Variants in RNLS observed in about 807,000 individuals in gnomAD.
RNLS encodes the protein renalase.
A neutral mutation model predicts 39.8 loss-of-function variants in RNLS; 39 were observed. That is an observed-to-expected ratio of 0.98 (90% CI 0.76 to 1.28). The LOEUF (loss-of-function observed/expected upper bound fraction) is 1.28. Ranked by LOEUF, RNLS falls within the 50% of genes most tolerant of loss-of-function variation. The pLI is 0.00. For missense variants in RNLS, 410 were observed against 413.3 expected (o/e 0.99, Z 0.07); for synonymous variants, 147 against 150.7 (o/e 0.98, Z 0.18).
intron 4 of RNLS, among the ~76,000 whole-genome samples, chr10:88,517,917 G>T (rs965020148): frequency 4.6e-5 from 7 of 151,898 alleles, no homozygotes; most frequent in African/African-American, 1.4e-4. Flanking sequence ...CTGGCTAATG[G>T]TATTAAAACA....
intron 4 of RNLS, among the ~76,000 whole-genome samples, chr10:88,437,749 G>A (rs1047938105): frequency 6.6e-6 from 1 of 152,072 alleles, no homozygotes; most frequent in Non-Finnish European, 1.5e-5. Context: ...TCTTATGAAT[G>A]CCCCCAAGGT....
the RNLS span, among the ~76,000 whole-genome samples, chr10:88,224,604 G>T: frequency 2.0e-5 from 3 of 152,088 alleles, no homozygotes; most frequent in African/African-American, 7.2e-5. Flanking sequence ...ACTTTGAGTA[G>T]GTTTTTGTTC....
At chr10:88,462,627 T>C (rs1320425517) in intron 4 of RNLS, among the ~76,000 whole-genome samples, 1 of 151,918 alleles carries the variant, frequency 6.6e-6, no homozygotes, top group African/African-American at 2.4e-5. Flanking sequence ...AAAAAATGAT[T>C]TTAATGAATG....
At chr10:88,363,747 T>C (rs1849818239) in intron 4 of RNLS, among the ~76,000 whole-genome samples, 1 of 152,178 alleles carries the variant, frequency 6.6e-6, no homozygotes, top group Admixed American at 6.6e-5. Context: ...GGAAAAGGAA[T>C]TGAGCAGGTT....
chr10:88,343,941 G>A (rs1372737707), intron 5 of RNLS: 1 of 418,152 alleles, frequency 2.4e-6, no homozygotes, highest in African/African-American at 2.2e-5. Context: ...GCCTAAAAAA[G>A]CCCTGGTTTT....
At chr10:88,565,331 G>A (rs530371527) in intron 4 of RNLS, among the ~76,000 whole-genome samples, 3 of 152,046 alleles carry the variant, frequency 2.0e-5, no homozygotes, top group South Asian at 2.1e-4. Context: ...AGCCTAAGAC[G>A]TCTAATAATC....
the RNLS span, among the ~76,000 whole-genome samples, chr10:88,230,144 A>T: frequency 5.9e-5 from 9 of 152,212 alleles, no homozygotes; most frequent in African/African-American, 1.9e-4. Context: ...GTGGCCACTT[A>T]GAAGAGGCTG....
chr10:88,582,448 T>G, intron 1 of RNLS, 141 bp from the exon 2 acceptor site: 1 of 629,512 alleles, frequency 1.6e-6, no homozygotes, highest in Non-Finnish European at 2.7e-6. Context: ...TTGATCAGAT[T>G]GTGAGATTTT....
chr10:88,209,709 A>G, the RNLS span, among the ~76,000 whole-genome samples: 17 of 152,220 alleles, frequency 1.1e-4, no homozygotes, highest in Admixed American at 9.8e-4. Flanking sequence ...TGTTGGTTAA[A>G]AAAATCTATG....
intron 4 of RNLS, among the ~76,000 whole-genome samples, chr10:88,567,989 C>A (rs140948535): frequency 2.1e-4 from 32 of 152,308 alleles, no homozygotes; most frequent in African/African-American, 7.5e-4. Flanking sequence ...AGCCCTGAAG[C>A]CTTGTCCACC....
chr10:88,232,193 C>G, the RNLS span, among the ~76,000 whole-genome samples: 12 of 152,316 alleles, frequency 7.9e-5, no homozygotes, highest in Non-Finnish European at 1.6e-4. Context: ...GCTACACTCA[C>G]CTCTTGGCAG....
intron 4 of RNLS, among the ~76,000 whole-genome samples, chr10:88,383,202 T>C (rs1478672539): frequency 1.3e-5 from 2 of 152,070 alleles, no homozygotes; most frequent in African/African-American, 4.8e-5. Flanking sequence ...GCAGAAACAA[T>C]TGCTAAGTAG....
At chr10:88,554,174 C>CAA (rs538631536) in intron 4 of RNLS, among the ~76,000 whole-genome samples, 7 of 136,734 alleles carry the variant, frequency 5.1e-5, no homozygotes, top group African/African-American at 1.6e-4. Context: ...TAGTTTGATC[C>CAA]AAAAAAAAAA....
Position 88,581,292 on chromosome 10 carries a change from GTGTATA to G in RNLS, c.367+269_367+274del, listed in dbSNP as rs200232367. On this transcript the variant is annotated intron_variant, in intron 3 of 6. Coordinates refer to ENST00000331772, the MANE Select transcript of RNLS (RefSeq NM_001031709.3). ...GAAATATATATGTATGTGTGTGTGT[GTGTATA>G]TATATATATATATATATACATCTAT... is the stretch of plus-strand genomic sequence containing the variant. Among the ~76,000 whole-genome samples the G allele has an allele frequency of 2.0e-4, 24 of 122,036 alleles. No homozygotes were observed. The East Asian group carries it at 4.4e-3, about 22-fold the overall frequency. 80.1% of individuals were successfully genotyped at this position (122,036 alleles called of 152,430 possible).
intron 4 of RNLS, among the ~76,000 whole-genome samples, chr10:88,414,923 T>C (rs1332600196): frequency 1.3e-5 from 2 of 152,152 alleles, no homozygotes; most frequent in African/African-American, 4.8e-5. Flanking sequence ...CCTGTGGGTA[T>C]CTAGAGCTCT....
intron 4 of RNLS, among the ~76,000 whole-genome samples, chr10:88,425,854 G>A (rs888372829): frequency 1.2e-4 from 18 of 151,982 alleles, no homozygotes; most frequent in Admixed American, 1.2e-3. Flanking sequence ...CAAAAAGAAT[G>A]GTAAGAGTAG....
At chr10:88,466,829 G>A (rs1004628115) in intron 4 of RNLS, among the ~76,000 whole-genome samples, 15 of 152,084 alleles carry the variant, frequency 9.9e-5, no homozygotes, top group Admixed American at 7.2e-4. Context: ...AAATAGAGAC[G>A]CAAAGAATGT....
At chr10:88,453,545 G>A (rs1274976042) in intron 4 of RNLS, among the ~76,000 whole-genome samples, 1 of 152,154 alleles carries the variant, frequency 6.6e-6, no homozygotes, top group Non-Finnish European at 1.5e-5. Flanking sequence ...ATCCAGCCAA[G>A]AGCATCCCCT....
At chr10:88,321,401 A>T (rs1218323293) in intron 5 of RNLS, among the ~76,000 whole-genome samples, 6 of 152,168 alleles carry the variant, frequency 3.9e-5, no homozygotes, top group Non-Finnish European at 8.8e-5. Flanking sequence ...AACTAGAAAA[A>T]TGAGAACAAA....
Sources: gnomAD v4.1 joint callset for allele counts (sites outside exome capture counted in the v4.1 genomes callset) on GRCh38, gnomAD v4.1.1 for gene constraint, MANE v1.5 for transcripts, NCBI Gene and HGNC (gene_info 2026-07-23, HGNC 2026-07-21) for gene names.